EFCAB3: variants seen among roughly 807,000 people sequenced by gnomAD.
The protein encoded by EFCAB3 is EF-hand calcium-binding domain-containing protein 3.
Under a neutral mutation model 42.2 loss-of-function variants are expected in EFCAB3, and 36 were observed. The ratio of observed to expected loss-of-function variants is 0.85; its 90% CI spans 0.65 to 1.13. The LOEUF is 1.13. Ranked by LOEUF, EFCAB3 falls within the 50% of genes most tolerant of loss-of-function variation. The pLI is 0.00. For missense variants in EFCAB3, 418 were observed against 505.1 expected (o/e 0.83, Z 1.65); for synonymous variants, 170 against 172.8 (o/e 0.98, Z 0.13).
intron 2 of EFCAB3, among the ~76,000 whole-genome samples, chr17:62,386,240 A>G (rs1184835902): frequency 6.6e-6 from 1 of 152,102 alleles, no homozygotes; most frequent in African/African-American, 2.4e-5. Flanking sequence ...TACATGATAC[A>G]TTTTTGTGTT....
chr17:62,398,087 C>A, intron 6 of EFCAB3: 2 of 321,400 alleles, frequency 6.2e-6, no homozygotes, highest in South Asian at 3.5e-5. Context: ...GTCAAAGTGC[C>A]CAATGTCTCT....
chr17:62,396,200 AAT>A (rs1276068980), intron 6 of EFCAB3, among the ~76,000 whole-genome samples: 5 of 152,206 alleles, frequency 3.3e-5, no homozygotes, highest in Admixed American at 3.3e-4. Flanking sequence ...GAGCTCAATA[AAT>A]GTTAGCTATT....
At chr17:62,388,210 C>T (rs1208948052) in intron 3 of EFCAB3, among the ~76,000 whole-genome samples, 1 of 147,382 alleles carries the variant, frequency 6.8e-6, no homozygotes, top group African/African-American at 2.5e-5. Flanking sequence ...GACTACGTCT[C>T]GAAAAAAAAA....
At chr17:62,399,885 T>A (rs1464466565) in intron 6 of EFCAB3, among the ~76,000 whole-genome samples, 1 of 152,192 alleles carries the variant, frequency 6.6e-6, no homozygotes, top group Non-Finnish European at 1.5e-5. Flanking sequence ...AGAATGTAAG[T>A]TCCATGAGAA....
chr17:62,407,283 C>A, intron 8 of EFCAB3, 71 bp downstream of exon 8: 2 of 1,295,264 alleles, frequency 1.5e-6, no homozygotes, highest in Non-Finnish European at 2.0e-6. Flanking sequence ...GAACTAATGA[C>A]ATGCTTTTTA....
chr17:62,382,714 A>C (rs2070213734), intron 1 of EFCAB3, among the ~76,000 whole-genome samples: 1 of 152,192 alleles, frequency 6.6e-6, no homozygotes, highest in Non-Finnish European at 1.5e-5. Flanking sequence ...ATTCTTACAT[A>C]GGATCAGAGT....
upstream of EFCAB3, among the ~76,000 whole-genome samples, chr17:62,380,248 C>T (rs200751642): frequency 1.2e-4 from 19 of 152,128 alleles, no homozygotes; most frequent in South Asian, 8.3e-4. Context: ...GTGATCTGCC[C>T]GCCTCGGCCC....
chr17:62,393,684 T>C (rs767552735), intron 5 of EFCAB3, 40 bp downstream of exon 5: 3 of 1,535,280 alleles, frequency 2.0e-6, no homozygotes, highest in Non-Finnish European at 2.7e-6. Context: ...GTTGGGCAGC[T>C]ACAACTCACT....
At chr17:62,386,013 C>T (rs915070714) in intron 2 of EFCAB3, among the ~76,000 whole-genome samples, 3 of 151,898 alleles carry the variant, frequency 2.0e-5, no homozygotes, top group Non-Finnish European at 2.9e-5. Flanking sequence ...AGGCATGAGC[C>T]ACCGCACCCG....
chr17:62,413,127 A>T (rs1476893622), intron 8 of EFCAB3, among the ~76,000 whole-genome samples: 1 of 152,228 alleles, frequency 6.6e-6, no homozygotes, highest in African/African-American at 2.4e-5. Context: ...AAATAAAAAG[A>T]TATTAATTCC....
At chr17:62,384,322 T>C (rs1235852882) in intron 2 of EFCAB3, among the ~76,000 whole-genome samples, 2 of 152,216 alleles carry the variant, frequency 1.3e-5, no homozygotes, top group Non-Finnish European at 2.9e-5. Flanking sequence ...AGTGTCTTTT[T>C]AAAGACAGAT....
chr17:62,383,175 G>C, intron 2 of EFCAB3, 122 bp downstream of exon 2: 1 of 859,598 alleles, frequency 1.2e-6, no homozygotes, highest in South Asian at 1.9e-5. Context: ...CTAAAAAAAA[G>C]AAAATTATTG....
intron 3 of EFCAB3, among the ~76,000 whole-genome samples, chr17:62,390,762 C>T (rs866029207): frequency 6.6e-6 from 1 of 152,234 alleles, no homozygotes; most frequent in African/African-American, 2.4e-5. Context: ...ACATTACACA[C>T]TTACAGAGCA....
At chr17:62,382,498 T>G (rs1427883429) in intron 1 of EFCAB3, among the ~76,000 whole-genome samples, 2 of 152,188 alleles carry the variant, frequency 1.3e-5, no homozygotes, top group Non-Finnish European at 2.9e-5. Flanking sequence ...TACAGTAGTA[T>G]TATTACCTGT....
At chr17:62,395,484 C>A (rs2070341333) in intron 6 of EFCAB3, among the ~76,000 whole-genome samples, 1 of 152,100 alleles carries the variant, frequency 6.6e-6, no homozygotes, top group Admixed American at 6.5e-5. Flanking sequence ...AGAATTCCAG[C>A]AGAACAAGAC....
chr17:62,382,305 G>A (rs9898709), intron 1 of EFCAB3, among the ~76,000 whole-genome samples: 100,132 of 152,096 alleles, frequency 0.66, 38,949 homozygotes, highest in Non-Finnish European at 0.87. Context: ...GTGTCACATG[G>A]CACCATTTTT....
intron 1 of EFCAB3, chr17:62,381,911 T>C (rs879173393): frequency 2.8e-6 from 1 of 354,564 alleles, no homozygotes; most frequent in Non-Finnish European, 5.8e-6. Flanking sequence ...GCTGTGCAGC[T>C]CCTGCTGCTG....
upstream of EFCAB3, among the ~76,000 whole-genome samples, chr17:62,376,783 C>T (rs2070154075): frequency 6.6e-6 from 1 of 152,206 alleles, no homozygotes; most frequent in African/African-American, 2.4e-5. Context: ...TGATGGTGAA[C>T]ATTCAGAACT....
At chr17:62,397,448 C>T (rs767633931) in intron 6 of EFCAB3, 19 of 531,560 alleles carry the variant, frequency 3.6e-5, no homozygotes, top group Non-Finnish European at 4.5e-5. Context: ...CAGTCACTGA[C>T]GAGACCAGAA....
Sources: allele counts gnomAD v4.1 joint callset (sites outside exome capture counted in the v4.1 genomes callset), GRCh38; gene constraint gnomAD v4.1.1; transcripts MANE v1.5; gene names NCBI Gene and HGNC (gene_info 2026-07-23, HGNC 2026-07-21).